The following BCAS3 variants were observed in gnomAD, a reference collection of about 807,000 sequenced individuals.
BCAS3 encodes the protein BCAS3 microtubule associated cell migration factor.
Under a neutral mutation model 116.1 loss-of-function variants are expected in BCAS3, and 53 were observed. The observed-to-expected ratio is 0.46, with a 90% CI of 0.37 to 0.57. The LOEUF is 0.57. Ranked by LOEUF, BCAS3 falls within the 20% of genes least tolerant of loss-of-function variation. The pLI is 0.00. For synonymous variants in BCAS3, 391 were observed against 408.2 expected, an observed-to-expected ratio of 0.96 and a Z score of 0.51; for missense variants, 917 against 1,165.4, an observed-to-expected ratio of 0.79 and a Z score of 3.10.
chr17:60,813,014 A>G (rs1428418959), intron 7 of BCAS3, among the ~76,000 whole-genome samples: 2 of 152,122 alleles, frequency 1.3e-5, no homozygotes, highest in African/African-American at 2.4e-5. Context: ...AAATGTTGCA[A>G]TTACAAGTAT....
intron 5 of BCAS3, among the ~76,000 whole-genome samples, chr17:60,716,550 G>A (rs1022281911): frequency 1.6e-4 from 25 of 151,858 alleles, no homozygotes; most frequent in African/African-American, 6.0e-4. Flanking sequence ...GTGGTGTATC[G>A]CTTGAGGCCA....
chr17:61,307,065 A>G lies in BCAS3; in HGVS notation c.2426-61262A>G, dbSNP rs908513085. The stretch of plus-strand genomic sequence containing the variant: ...GTGATTCTCTCAAAGGTCTTTCAGT[A>G]TTGATCAGGGAGTCATTCCCACTGA... On this transcript the variant is annotated intron_variant, in intron 22 of 23. Transcript: ENST00000407086. This position sits in a 1 kb window ranked among gnomAD's most constrained non-coding sequence, Gnocchi z 4.7. Among the ~76,000 whole-genome samples the G allele has an allele frequency of 1.3e-5, 2 of 152,202 alleles. No homozygotes were observed. Among genetic ancestry groups the G allele is most frequent in the Non-Finnish European group, 2.9e-5 (2 of 68,032 alleles).
rs1026200681 is a variant in BCAS3 at position 61,213,571 on chromosome 17, C to T, written c.2425+129007C>T. Among the ~76,000 whole-genome samples the T allele has an allele frequency of 6.6e-6, 1 of 152,186 alleles. No homozygotes were observed. Among genetic ancestry groups the T allele is most frequent in the Non-Finnish European group, 1.5e-5 (1 of 68,030 alleles). On this transcript the variant is annotated intron_variant, in intron 22 of 23. Transcript: ENST00000407086. The surrounding 1 kb of genome is among the most constrained non-coding windows in gnomAD (Gnocchi z 5.4). ...AAAAAGTATTGCTATAACCATCCTACTTCAAATTCCTAGAATAATCTTTCC... is the reference window on the plus strand; with the variant it reads ...AAAAAGTATTGCTATAACCATCCTATTTCAAATTCCTAGAATAATCTTTCC...
At chr17:60,822,345 G>A (rs558454567) in intron 7 of BCAS3, among the ~76,000 whole-genome samples, 1 of 152,216 alleles carries the variant, frequency 6.6e-6, no homozygotes, top group East Asian at 1.9e-4. Flanking sequence ...TTTACAAGTT[G>A]TTCTTCATTT....
chr17:60,925,934 G>C (rs1297594657), intron 13 of BCAS3, among the ~76,000 whole-genome samples: 1 of 151,276 alleles, frequency 6.6e-6, no homozygotes, highest in African/African-American at 2.4e-5. Flanking sequence ...AAATTTATTT[G>C]TTTCATGTAT....
At chr17:61,123,121 T>G (rs2075873457) in intron 22 of BCAS3, among the ~76,000 whole-genome samples, 1 of 151,998 alleles carries the variant, frequency 6.6e-6, no homozygotes, top group Non-Finnish European at 1.5e-5. Flanking sequence ...TTTTGTACTT[T>G]TGGTAGAGAC....
In BCAS3 at chr17:61,349,091, G is replaced by A. The variant is rs778536200; in HGVS notation, c.2426-19236G>A. On this transcript the variant is annotated intron_variant, in intron 22 of 23. Transcript: ENST00000407086. This position sits in a 1 kb window ranked among gnomAD's most constrained non-coding sequence, Gnocchi z 4.7. ...TTCTTAAGGCTGGATTTGAGGACCC[G>A]TGCTTTGGAGCAGTGGTTCCCAAAA... 9.9e-5 allele frequency among the ~76,000 whole-genome samples: 15 copies of A among 152,142 alleles called. No homozygotes were observed. The highest frequency in any genetic ancestry group is 2.9e-4 in the African/African-American group (12 of 41,414).
intron 22 of BCAS3, among the ~76,000 whole-genome samples, chr17:61,166,389 CTCTTTTTT>C (rs1396787926): frequency 9.7e-3 from 224 of 23,198 alleles, no homozygotes; most frequent in Admixed American, 0.017. Flanking sequence ...CTCTCTCTCT[CTCTTTTTT>C]TTTTTTTTTT....
chr17:61,277,749 A>G (rs1282883831), intron 22 of BCAS3, among the ~76,000 whole-genome samples: 7 of 152,224 alleles, frequency 4.6e-5, no homozygotes, highest in Admixed American at 2.6e-4. Context: ...AAGATGCCCA[A>G]CATCATTAAC....
rs535157589 is a variant in BCAS3, at chr17:61,095,446, G to T, written c.2425+10882G>T. 6.6e-6 allele frequency among the ~76,000 whole-genome samples: 1 copy of T among 152,116 alleles called. No homozygotes were observed. The highest frequency in any genetic ancestry group is 2.4e-5 in the African/African-American group (1 of 41,508). On this transcript the variant is annotated intron_variant, in intron 22 of 23. Coordinates refer to ENST00000407086, the MANE Select transcript of BCAS3 (RefSeq NM_017679.5). The surrounding 1 kb of genome is among the most constrained non-coding windows in gnomAD (Gnocchi z 4.7). ...TACATATAAACCAAAGATCTTTGGG[G>T]TCCTGGGTTTTTTGTTGTTGTTGTC...
rs551392820 is a variant in BCAS3 at position 61,128,061 on chromosome 17, G to A, written c.2425+43497G>A. ...ACAATTCCCATTGAGCTCAGAAAAT[G>A]TGATTAAGGAGTTTGAATGTAATTA... is the stretch of plus-strand genomic sequence containing the variant. On this transcript the variant is annotated intron_variant, in intron 22 of 23. Transcript: ENST00000407086. This position sits in a 1 kb window ranked among gnomAD's most constrained non-coding sequence, Gnocchi z 4.1. 53 of 356,806 alleles carry A rather than the reference G, an allele frequency of 1.5e-4. No homozygotes were observed. Among genetic ancestry groups the A allele is most frequent in the Non-Finnish European group, 1.9e-4 (49 of 255,740 alleles). The allele number at this position is 356,806 out of a possible 1,614,324, so 22.1% of individuals were successfully genotyped here. A position where few individuals can be genotyped will look rare whatever the true frequency, so the allele number is the denominator to read the frequency against.
rs2060183179 is a variant in BCAS3 at position 61,392,581 on chromosome 17, C to T, written c.*456C>T. ...GTCTGGCTGTGACACACACTGCCCC[C>T]AGCTTCCCTTGGTCAGCCCCACTCC... On this transcript the variant is annotated 3_prime_UTR_variant, in exon 24 of 24. Transcript: ENST00000407086. The surrounding 1 kb of genome is among the most constrained non-coding windows in gnomAD (Gnocchi z 6.4). 6.5e-6 allele frequency: 1 copy of T among 154,730 alleles called. No homozygotes were observed. The allele number at this position is 154,730 out of a possible 1,614,324, so 9.6% of individuals were successfully genotyped here. A position where few individuals can be genotyped will look rare whatever the true frequency, so the allele number is the denominator to read the frequency against.
At chr17:60,718,140 G>A (rs1320790060) in intron 5 of BCAS3, among the ~76,000 whole-genome samples, 1 of 152,194 alleles carries the variant, frequency 6.6e-6, no homozygotes, top group African/African-American at 2.4e-5. Flanking sequence ...TTGAAGCTTC[G>A]CTTTTGCTTG....
At chr17:60,900,651 A>G (rs769660306) in intron 10 of BCAS3, among the ~76,000 whole-genome samples, 1 of 152,056 alleles carries the variant, frequency 6.6e-6, no homozygotes, top group Non-Finnish European at 1.5e-5. Context: ...ACCAAAGTCT[A>G]TATCCCTTTC....
chr17:60,957,514 C>T (rs1317777267), intron 14 of BCAS3, among the ~76,000 whole-genome samples: 3 of 152,092 alleles, frequency 2.0e-5, no homozygotes, highest in Admixed American at 6.5e-5. Context: ...TCTGCAAAAA[C>T]GTCATTTTTA....
intron 14 of BCAS3, among the ~76,000 whole-genome samples, chr17:60,985,880 G>A (rs774202349): frequency 9.2e-5 from 14 of 152,086 alleles, no homozygotes; most frequent in Non-Finnish European, 1.9e-4. Flanking sequence ...GGAATTACAG[G>A]CGCACGCCAA....
At chr17:60,748,766 G>A (rs2042206942) in intron 6 of BCAS3, among the ~76,000 whole-genome samples, 1 of 152,028 alleles carries the variant, frequency 6.6e-6, no homozygotes, top group Admixed American at 6.6e-5. Flanking sequence ...TTTAGAAGTA[G>A]ATTTAATTTA....
At chr17:60,803,810 T>G (rs565088171) in intron 6 of BCAS3, among the ~76,000 whole-genome samples, 202 of 147,142 alleles carry the variant, frequency 1.4e-3, no homozygotes, top group Non-Finnish European at 2.1e-3. Flanking sequence ...TTTTTTTTTT[T>G]TTTTTTTTGA....
chr17:61,228,703 G>T lies in BCAS3; in HGVS notation c.2426-139624G>T, dbSNP rs368449884. On this transcript the variant is annotated intron_variant, in intron 22 of 23. Coordinates refer to ENST00000407086, the MANE Select transcript of BCAS3 (RefSeq NM_017679.5). This position sits in a 1 kb window ranked among gnomAD's most constrained non-coding sequence, Gnocchi z 5.0. Reference sequence around the variant, plus strand: ...ACAGCAAACTTAATAAATGTTTTGCGTTCTGACTGCTCCACTGACCAGTTG... The same window carrying T: ...ACAGCAAACTTAATAAATGTTTTGCTTTCTGACTGCTCCACTGACCAGTTG... 6.6e-6 allele frequency among the ~76,000 whole-genome samples: 1 copy of T among 152,104 alleles called. No homozygotes were observed. The highest frequency in any genetic ancestry group is 6.5e-5 in the Admixed American group (1 of 15,268).
Sources: allele counts gnomAD v4.1 joint callset (sites outside exome capture counted in the v4.1 genomes callset), GRCh38; gene constraint gnomAD v4.1.1; non-coding constraint Gnocchi (gnomAD v3.1); transcripts MANE v1.5; gene names NCBI Gene and HGNC (gene_info 2026-07-23, HGNC 2026-07-21).